DPP6: variants seen among roughly 807,000 people sequenced by gnomAD.
The protein encoded by DPP6 is dipeptidyl peptidase like 6, also known as A-type potassium channel modulatory protein DPP6.
In DPP6, 69 loss-of-function variants were observed where a neutral mutation model predicts 122.6. The ratio of observed to expected loss-of-function variants is 0.56; its 90% CI spans 0.46 to 0.69. DPP6 has a LOEUF of 0.69. DPP6 is among the 30% of genes least tolerant of loss of function. The probability of loss-of-function intolerance (pLI) is 0.00; values close to 1 mark genes in which losing one functional copy is unlikely to be tolerated. For missense variants in DPP6, 928 were observed against 1,116.9 expected, an observed-to-expected ratio of 0.83 and a Z score of 2.41; for synonymous variants, 418 against 433.1, an observed-to-expected ratio of 0.97 and a Z score of 0.43.
At chr7:154,467,457 C>CACCTCCCTCTTTGCTTTT (rs1309370836) in intron 2 of DPP6, among the ~76,000 whole-genome samples, 1 of 152,172 alleles carries the variant, frequency 6.6e-6, no homozygotes, top group Non-Finnish European at 1.5e-5. Context: ...AAGTGCGTAG[C>CACCTCCCTCTTTGCTTTT]ACCTCCCTCT....
intron 8 of DPP6, among the ~76,000 whole-genome samples, chr7:154,758,961 G>A (rs950577038): frequency 6.6e-6 from 1 of 152,188 alleles, no homozygotes; most frequent in Non-Finnish European, 1.5e-5. Context: ...CCAGGCGTTT[G>A]TCTATGGATT....
rs557853617 is a variant in DPP6, at chr7:153,931,996, A to G, written c.51+44262A>G. 3.2e-4 allele frequency among the ~76,000 whole-genome samples: 48 copies of G among 152,340 alleles called. 1 individual carries two copies. The South Asian group carries it at 9.1e-3, about 29-fold the overall frequency. On this transcript the variant is annotated intron_variant, in intron 1 of 25. Transcript: ENST00000404039. ...ACTGCTTCTCCTCATTTGTCTTCTGATCAGAGCTGCACAAGAACTCTTGAT... is the reference window on the plus strand; with the variant it reads ...ACTGCTTCTCCTCATTTGTCTTCTGGTCAGAGCTGCACAAGAACTCTTGAT...
At chr7:154,265,330 G>C (rs1181682236) in intron 1 of DPP6, among the ~76,000 whole-genome samples, 1 of 152,184 alleles carries the variant, frequency 6.6e-6, no homozygotes. Context: ...ACTGAACCAA[G>C]TCTCTCTGAA....
chr7:154,357,803 C>T (rs998953245), intron 1 of DPP6, among the ~76,000 whole-genome samples: 1 of 151,892 alleles, frequency 6.6e-6, no homozygotes, highest in African/African-American at 2.4e-5. Flanking sequence ...TTAGCTGGGC[C>T]CGATGGCACA....
At chr7:153,886,360 T>C (rs1798913034), upstream of DPP6, among the ~76,000 whole-genome samples, 1 of 152,112 alleles carries the variant, frequency 6.6e-6, no homozygotes, top group South Asian at 2.1e-4. Context: ...CGGTCACTGG[T>C]CAACCCGCCT....
At chr7:154,381,507 A>G (rs1355000524) in intron 1 of DPP6, among the ~76,000 whole-genome samples, 5 of 152,150 alleles carry the variant, frequency 3.3e-5, no homozygotes, top group Admixed American at 6.5e-5. Context: ...GTGTGTATAC[A>G]CATCTATAAT....
In DPP6 at chr7:154,366,069, A is replaced by T. The variant is rs574093873; in HGVS notation, c.244-80145A>T. Reference sequence around the variant, plus strand: ...GACAGGTTCCATAGACTCCTCTTGCAGCACCTGGGGTGCTATCTTGTCACA... The same window carrying T: ...GACAGGTTCCATAGACTCCTCTTGCTGCACCTGGGGTGCTATCTTGTCACA... On this transcript the variant is annotated intron_variant, in intron 1 of 25. Transcript: ENST00000377770. 4.6e-5 allele frequency among the ~76,000 whole-genome samples: 7 copies of T among 151,898 alleles called. No individual in the cohort carries two copies. The South Asian group carries it at 1.2e-3, about 27-fold the overall frequency.
intron 16 of DPP6, among the ~76,000 whole-genome samples, chr7:154,830,530 A>G (rs2316526): frequency 0.8 from 121,093 of 152,226 alleles, 48,346 homozygotes; most frequent in Non-Finnish European, 0.84. Flanking sequence ...GAACAATTTG[A>G]CTGTCCAGTG....
intron 7 of DPP6, among the ~76,000 whole-genome samples, chr7:154,679,230 C>G (rs1181698466): frequency 6.6e-6 from 1 of 152,154 alleles, no homozygotes; most frequent in Admixed American, 6.5e-5. Flanking sequence ...GGGGAATGTT[C>G]AGAAAACAAC....
chr7:154,317,398 G>A (rs1156526229), intron 1 of DPP6, among the ~76,000 whole-genome samples: 2 of 152,168 alleles, frequency 1.3e-5, no homozygotes, highest in Non-Finnish European at 2.9e-5. Context: ...AGATAGAGTT[G>A]TAGCAATTAG....
At chr7:154,708,717 T>A (rs1840974754) in intron 7 of DPP6, among the ~76,000 whole-genome samples, 1 of 152,182 alleles carries the variant, frequency 6.6e-6, no homozygotes, top group Non-Finnish European at 1.5e-5. Flanking sequence ...TAAACTGTCA[T>A]ATCTCTTCAA....
chr7:154,718,158 G>A (rs574129173), intron 7 of DPP6, among the ~76,000 whole-genome samples: 60 of 152,200 alleles, frequency 3.9e-4, no homozygotes, highest in East Asian at 3.1e-3. Context: ...CTAACCCCTC[G>A]TCAGATGCGT....
intron 1 of DPP6, among the ~76,000 whole-genome samples, chr7:153,926,724 C>T (rs529888547): frequency 5.3e-5 from 8 of 151,244 alleles, no homozygotes; most frequent in Non-Finnish European, 8.8e-5. Context: ...AATCACTTGC[C>T]GATTAGAATT....
chr7:153,974,085 C>T (rs1796172280), intron 1 of DPP6, among the ~76,000 whole-genome samples: 1 of 152,116 alleles, frequency 6.6e-6, no homozygotes, highest in Non-Finnish European at 1.5e-5. Context: ...ACATTGGAGC[C>T]TGACCGTCTT....
At chr7:154,003,520 G>T (rs1199792862) in intron 1 of DPP6, among the ~76,000 whole-genome samples, 2 of 152,354 alleles carry the variant, frequency 1.3e-5, no homozygotes, top group Admixed American at 6.5e-5. Flanking sequence ...TGGTGTATCA[G>T]ATAGCTATTG....
At chr7:154,853,131 A>ACTC (rs1802541527) in intron 16 of DPP6, among the ~76,000 whole-genome samples, 1 of 152,042 alleles carries the variant, frequency 6.6e-6, no homozygotes, top group African/African-American at 2.4e-5. Context: ...TTCTTTCTGG[A>ACTC]CTCTCCTTTT....
chr7:154,139,162 T>C (rs879088874), intron 1 of DPP6, among the ~76,000 whole-genome samples: 3 of 151,800 alleles, frequency 2.0e-5, no homozygotes, highest in East Asian at 1.9e-4. Context: ...TTGTCTCATA[T>C]GCTTATGGAG....
At chr7:154,654,861 CTG>C (rs936214200) in intron 6 of DPP6, among the ~76,000 whole-genome samples, 4 of 152,142 alleles carry the variant, frequency 2.6e-5, no homozygotes, top group African/African-American at 9.7e-5. Flanking sequence ...AAAAATTTAA[CTG>C]TGTCATTTAG....
intron 16 of DPP6, among the ~76,000 whole-genome samples, chr7:154,823,450 C>G (rs1184744000): frequency 1.3e-5 from 2 of 152,170 alleles, no homozygotes; most frequent in East Asian, 1.9e-4. Flanking sequence ...AATGAATTTT[C>G]AAAGTGAATA....
Sources: gnomAD v4.1 joint callset for allele counts (sites outside exome capture counted in the v4.1 genomes callset) on GRCh38, gnomAD v4.1.1 for gene constraint, MANE v1.5 for transcripts, NCBI Gene and HGNC (gene_info 2026-07-23, HGNC 2026-07-21) for gene names.